PLEKHG1: variants seen among roughly 807,000 people sequenced by gnomAD.
PLEKHG1 encodes the protein pleckstrin homology and RhoGEF domain containing G1.
In PLEKHG1, 44 loss-of-function variants were observed where a neutral mutation model predicts 100.8. The ratio of observed to expected loss-of-function variants is 0.44; its 90% CI spans 0.34 to 0.56. The LOEUF is 0.56. Among genes scored for constraint, PLEKHG1 ranks in the 20% least tolerant of loss-of-function variants. The pLI, the probability that PLEKHG1 is intolerant of heterozygous loss-of-function variation, is 0.01. For missense variants in PLEKHG1, 1,545 were observed against 1,720.9 expected, an observed-to-expected ratio of 0.90 and a Z score of 1.81; for synonymous variants, 640 against 662.5, an observed-to-expected ratio of 0.97 and a Z score of 0.52.
At chr6:150,797,260 C>T (rs192916778) in intron 5 of PLEKHG1, among the ~76,000 whole-genome samples, 204 of 152,248 alleles carry the variant, frequency 1.3e-3, no homozygotes, top group Non-Finnish European at 2.4e-3. Context: ...GTGGGATCCA[C>T]CTAGAAGAGA....
At chr6:150,818,350 G>T (rs1776105378) in intron 11 of PLEKHG1, 134 bp downstream of exon 12, 2 of 716,830 alleles carry the variant, frequency 2.8e-6, no homozygotes, top group South Asian at 1.7e-5. Flanking sequence ...TCACAAATTG[G>T]GTAGACAGTA....
Position 150,683,774 on chromosome 6 carries a change from C to G in PLEKHG1, c.-99+32988C>G. The G allele has an allele frequency of 3.1e-6, 4 of 1,287,928 alleles. No individual in the cohort carries two copies. Among genetic ancestry groups the G allele is most frequent in the Non-Finnish European group, 4.0e-6 (4 of 988,282 alleles). 79.8% of individuals were successfully genotyped at this position (1,287,928 alleles called of 1,614,324 possible). ...CGTCTGAAGGAAAGATGGAGCCATT[C>G]TTGGTGGGGCGGAAGAGGCAGGAAA... On this transcript the variant is annotated intron_variant, in intron 3 of 3. Coordinates refer to the PLEKHG1 transcript ENST00000367326. This position sits in a 1 kb window ranked among gnomAD's most constrained non-coding sequence, Gnocchi z 4.0.
intron 3 of PLEKHG1, among the ~76,000 whole-genome samples, chr6:150,711,133 T>C (rs546136904): frequency 6.6e-6 from 1 of 152,314 alleles, no homozygotes; most frequent in South Asian, 2.1e-4. Flanking sequence ...TAATAGTAAG[T>C]TGGCATGAGG....
chr6:150,748,600 C>A (rs1041325549), intron 2 of PLEKHG1, among the ~76,000 whole-genome samples: 4 of 147,138 alleles, frequency 2.7e-5, no homozygotes, highest in Non-Finnish European at 4.5e-5. Context: ...CTGGCTCTCA[C>A]TTACTACCTT....
At chr6:150,721,220 T>A (rs1781657595) in intron 1 of PLEKHG1, 1 of 971,662 alleles carries the variant, frequency 1.0e-6, no homozygotes. Context: ...AATGTGAGTG[T>A]CCCCAAAGAA....
intron 2 of PLEKHG1, among the ~76,000 whole-genome samples, chr6:150,643,930 G>A (rs891165730): frequency 1.3e-4 from 19 of 151,220 alleles, no homozygotes; most frequent in African/African-American, 3.9e-4. Flanking sequence ...AGAAATGGCC[G>A]TTTGCAAATA....
intron 1 of PLEKHG1, among the ~76,000 whole-genome samples, chr6:150,613,000 C>T (rs1025907089): frequency 6.6e-6 from 1 of 152,176 alleles, no homozygotes; most frequent in Non-Finnish European, 1.5e-5. Flanking sequence ...GAAGCAAGTC[C>T]ATGGGGTAGC....
intron 3 of PLEKHG1, among the ~76,000 whole-genome samples, chr6:150,782,320 G>A (rs1785358890): frequency 6.6e-6 from 1 of 152,080 alleles, no homozygotes; most frequent in Non-Finnish European, 1.5e-5. Flanking sequence ...CTTGAACCCA[G>A]GAGGCAGAGG....
intron 2 of PLEKHG1, among the ~76,000 whole-genome samples, chr6:150,646,126 C>A (rs1265337574): frequency 3.9e-5 from 6 of 152,166 alleles, no homozygotes; most frequent in Non-Finnish European, 7.4e-5. Context: ...AAGTTACAAT[C>A]GTGTATGTAC....
At chr6:150,819,902 G>A in intron 12 of PLEKHG1, 128 bp downstream of exon 13, 1 of 667,720 alleles carries the variant, frequency 1.5e-6, no homozygotes, top group Non-Finnish European at 2.7e-6. Flanking sequence ...TACATTTGCG[G>A]CTGCCTTAAG....
At chr6:150,836,082 T>G (rs1777208173) in intron 15 of PLEKHG1, among the ~76,000 whole-genome samples, 1 of 152,120 alleles carries the variant, frequency 6.6e-6, no homozygotes, top group Admixed American at 6.6e-5. Flanking sequence ...AAAGTAGGCT[T>G]AAAATGAAAG....
intron 11 of PLEKHG1, among the ~76,000 whole-genome samples, chr6:150,819,306 T>C (rs1274135432): frequency 6.6e-6 from 1 of 152,068 alleles, no homozygotes; most frequent in Non-Finnish European, 1.5e-5. Context: ...GGCTCACACC[T>C]GTAATCCCAG....
chr6:150,659,153 T>C (rs201114721), intron 3 of PLEKHG1, among the ~76,000 whole-genome samples: 4 of 125,092 alleles, frequency 3.2e-5, no homozygotes, highest in African/African-American at 9.4e-5. Context: ...CTCTCTCTCT[T>C]GTTTCTCTGA....
chr6:150,774,887 AT>A (rs926927102), intron 3 of PLEKHG1, among the ~76,000 whole-genome samples: 5 of 151,694 alleles, frequency 3.3e-5, no homozygotes, highest in Non-Finnish European at 5.9e-5. Context: ...ATTAAAAAAA[AT>A]TTTTTTTCAG....
At chr6:150,701,603 C>T (rs1239406451) in intron 3 of PLEKHG1, among the ~76,000 whole-genome samples, 1 of 126,194 alleles carries the variant, frequency 7.9e-6, no homozygotes, top group Admixed American at 8.1e-5. Flanking sequence ...ATCCCTCCCC[C>T]CTCCCCTCAC....
In PLEKHG1 at chr6:150,737,784, C is replaced by T. The variant is rs145234642; in HGVS notation, c.411+3692C>T. Among the ~76,000 whole-genome samples, 1,074 of 152,060 alleles carry T rather than the reference C, an allele frequency of 7.1e-3. 16 individuals are homozygous for T. The highest frequency in any genetic ancestry group is 0.023 in the African/African-American group (954 of 41,484). On this transcript the variant is annotated intron_variant, in intron 2 of 15. Coordinates refer to ENST00000358517, the Ensembl canonical transcript of PLEKHG1. ...TAAAACTTTTACCCTGCCTAAAAGA[C>T]GGACTTTTTTTTAGTTGGCTCTTTA...
At chr6:150,660,333 T>C (rs1012779976) in intron 3 of PLEKHG1, among the ~76,000 whole-genome samples, 1 of 152,236 alleles carries the variant, frequency 6.6e-6, no homozygotes, top group Non-Finnish European at 1.5e-5. Flanking sequence ...CATGGCTGTA[T>C]ATAGAAACAT....
In PLEKHG1 at chr6:150,674,674, TCTCTCTCTCC is replaced by T. The variant is rs1338319515; in HGVS notation, c.-99+23890_-99+23899del. ...CTCTCTCTCTCTCTCTCTCTCTCTC[TCTCTCTCTCC>T]CCCCTCTTCTCTTCTTTCCATGGAG... On this transcript the variant is annotated intron_variant, in intron 3 of 3. Transcript: ENST00000367326. Among the ~76,000 whole-genome samples, 1,206 of 144,258 alleles carry T rather than the reference TCTCTCTCTCC, an allele frequency of 8.4e-3. 20 individuals carry two copies. The highest frequency in any genetic ancestry group is 0.012 in the African/African-American group (457 of 38,136). 94.6% of individuals were successfully genotyped at this position (144,258 alleles called of 152,430 possible). A position where few individuals can be genotyped will look rare whatever the true frequency, so the allele number is the denominator to read the frequency against.
intron 2 of PLEKHG1, among the ~76,000 whole-genome samples, chr6:150,757,440 G>A (rs1422255003): frequency 6.6e-6 from 1 of 152,192 alleles, no homozygotes; most frequent in Non-Finnish European, 1.5e-5. Flanking sequence ...ATAATCAATT[G>A]CCATTTTGAT....
Sources: allele counts gnomAD v4.1 joint callset (sites outside exome capture counted in the v4.1 genomes callset), GRCh38; gene constraint gnomAD v4.1.1; non-coding constraint Gnocchi (gnomAD v3.1); transcripts MANE v1.5; gene names NCBI Gene and HGNC (gene_info 2026-07-23, HGNC 2026-07-21).